Variants in EFL1 observed in about 807,000 individuals in gnomAD.
EFL1 encodes elongation factor like GTPase 1.
A neutral mutation model predicts 126.7 loss-of-function variants in EFL1; 76 were observed. That is an observed-to-expected ratio of 0.60 (90% CI 0.50 to 0.73). The LOEUF (loss-of-function observed/expected upper bound fraction) is 0.73, where lower values mean the gene tolerates loss of function less well. Among genes scored for constraint, EFL1 ranks in the 30% least tolerant of loss-of-function variants. The probability of loss-of-function intolerance (pLI) is 0.00; values close to 1 mark genes in which losing one functional copy is unlikely to be tolerated. For synonymous variants in EFL1, 410 were observed against 448.4 expected, an observed-to-expected ratio of 0.91 and a Z score of 1.08; for missense variants, 1,128 against 1,343.2, an observed-to-expected ratio of 0.84 and a Z score of 2.50.
chr15:82,261,039 A>G (rs1461527388), intron 2 of EFL1, among the ~76,000 whole-genome samples: 1 of 152,138 alleles, frequency 6.6e-6, no homozygotes, highest in Non-Finnish European at 1.5e-5. Context: ...CTGGGCTTTG[A>G]CCACATATAT....
intron 15 of EFL1, among the ~76,000 whole-genome samples, chr15:82,199,118 C>T (rs1297552107): frequency 6.6e-6 from 1 of 152,024 alleles, no homozygotes; most frequent in African/African-American, 2.4e-5. Flanking sequence ...ATATTCCTTC[C>T]TCCCTCTCTC....
At chr15:82,164,027 A>T (rs1490458899) in intron 15 of EFL1, 43 bp from the exon 16 acceptor site, 1 of 1,601,826 alleles carries the variant, frequency 6.2e-7, no homozygotes, top group South Asian at 1.1e-5. Context: ...GGGATGATAA[A>T]TTCTGAATTT....
At chr15:82,226,420 A>C (rs1451473678) in intron 11 of EFL1, among the ~76,000 whole-genome samples, 1 of 152,176 alleles carries the variant, frequency 6.6e-6, no homozygotes, top group Admixed American at 6.5e-5. Flanking sequence ...CTGTATTTCA[A>C]AGGAAGAATA....
At chr15:82,171,284 A>T (rs1276934010) in intron 15 of EFL1, among the ~76,000 whole-genome samples, 1 of 152,208 alleles carries the variant, frequency 6.6e-6, no homozygotes, top group African/African-American at 2.4e-5. Context: ...ATTAAGGGTC[A>T]GTTCATAACT....
chr15:82,249,125 A>G lies in EFL1; in HGVS notation c.244+3566T>C, dbSNP rs138056274. Among the ~76,000 whole-genome samples, 590 of 152,148 alleles carry G rather than the reference A, an allele frequency of 3.9e-3. 5 individuals carry two copies. The highest frequency in any genetic ancestry group is 7.3e-3 in the Admixed American group (112 of 15,292). On this transcript the variant is annotated intron_variant, in intron 4 of 19. Transcript: ENST00000268206. Reference sequence around the variant, plus strand: ...TTTTGTGTTTTACTGTATATTCTATAACACACACTAAATTTTCTATAGTAA... The same window carrying G: ...TTTTGTGTTTTACTGTATATTCTATGACACACACTAAATTTTCTATAGTAA...
chr15:82,212,805 C>G (rs1250459519), intron 15 of EFL1, among the ~76,000 whole-genome samples: 4 of 152,174 alleles, frequency 2.6e-5, no homozygotes, highest in African/African-American at 9.7e-5. Context: ...TCCCTGGCAG[C>G]TAGAGAGGAT....
At chr15:82,131,856 AAG>A (rs751281643) in intron 19 of EFL1, among the ~76,000 whole-genome samples, 2 of 152,220 alleles carry the variant, frequency 1.3e-5, no homozygotes, top group Non-Finnish European at 2.9e-5. Context: ...TATTTTTAAA[AAG>A]AGAGACTTAA....
At chr15:82,198,564 C>G (rs1266388016) in intron 15 of EFL1, among the ~76,000 whole-genome samples, 1 of 152,128 alleles carries the variant, frequency 6.6e-6, no homozygotes, top group African/African-American at 2.4e-5. Flanking sequence ...AAGCAACCCA[C>G]AGATAGAGAA....
At chr15:82,249,660 A>G (rs939381675) in intron 4 of EFL1, among the ~76,000 whole-genome samples, 3 of 152,112 alleles carry the variant, frequency 2.0e-5, no homozygotes, top group African/African-American at 7.3e-5. Flanking sequence ...AGATAAATGT[A>G]TGGTATCCTT....
intron 7 of EFL1, among the ~76,000 whole-genome samples, chr15:82,233,145 G>A (rs180994273): frequency 7.9e-5 from 12 of 152,120 alleles, no homozygotes; most frequent in Non-Finnish European, 1.3e-4. Context: ...GTACACATAC[G>A]GGTACACAAA....
chr15:82,163,489 T>C (rs1335607194), intron 16 of EFL1, among the ~76,000 whole-genome samples: 2 of 152,100 alleles, frequency 1.3e-5, no homozygotes, highest in Non-Finnish European at 2.9e-5. Flanking sequence ...TGAGTCAAGA[T>C]CACACCAGTG....
At chr15:82,166,441 T>G (rs990541990) in intron 15 of EFL1, among the ~76,000 whole-genome samples, 2 of 152,246 alleles carry the variant, frequency 1.3e-5, no homozygotes. Flanking sequence ...GCTCCAAAGA[T>G]AGTAAAAACT....
intron 7 of EFL1, among the ~76,000 whole-genome samples, chr15:82,233,191 T>C (rs1025156096): frequency 3.9e-5 from 6 of 152,220 alleles, no homozygotes; most frequent in African/African-American, 1.4e-4. Flanking sequence ...CTTTTCATTC[T>C]TTTTTATCCC....
intron 6 of EFL1, among the ~76,000 whole-genome samples, 197 bp downstream of exon 6, chr15:82,240,221 A>T (rs561273136): frequency 6.6e-6 from 1 of 152,308 alleles, no homozygotes; most frequent in East Asian, 1.9e-4. Context: ...GCTTTATATG[A>T]TGGGTGATTC....
intron 15 of EFL1, among the ~76,000 whole-genome samples, chr15:82,178,990 A>G (rs2141257427): frequency 6.6e-6 from 1 of 152,168 alleles, no homozygotes; most frequent in Middle Eastern, 3.4e-3. Flanking sequence ...ATAAAAAAAT[A>G]AAAATTACCC....
At chr15:82,189,858 G>A (rs556502240) in intron 15 of EFL1, among the ~76,000 whole-genome samples, 2 of 152,228 alleles carry the variant, frequency 1.3e-5, no homozygotes, top group African/African-American at 2.4e-5. Context: ...GCTCACGCCT[G>A]TAATCCCAGC....
At chr15:82,259,214 A>G in intron 2 of EFL1, 59 bp from the exon 3 acceptor site, 4 of 1,414,258 alleles carry the variant, frequency 2.8e-6, no homozygotes, top group Non-Finnish European at 4.0e-6. Flanking sequence ...GTCATGGATC[A>G]TACCTATAGA....
At chr15:82,214,566 A>C (rs2074624845) in intron 15 of EFL1, 151 bp downstream of exon 15, 2 of 815,790 alleles carry the variant, frequency 2.5e-6, no homozygotes, top group Non-Finnish European at 3.7e-6. Context: ...CATGTGAGTT[A>C]CTCCAATGTA....
At chr15:82,236,850 G>T (rs1357318212) in intron 7 of EFL1, among the ~76,000 whole-genome samples, 1 of 152,186 alleles carries the variant, frequency 6.6e-6, no homozygotes, top group Non-Finnish European at 1.5e-5. Context: ...TAAAAACTTT[G>T]CGGACTTTGA....
Sources: gnomAD v4.1 joint callset for allele counts (sites outside exome capture counted in the v4.1 genomes callset) on GRCh38, gnomAD v4.1.1 for gene constraint, MANE v1.5 for transcripts, NCBI Gene and HGNC (gene_info 2026-07-23, HGNC 2026-07-21) for gene names.